Variants in CNGA1 observed in about 807,000 individuals in gnomAD.
CNGA1 encodes cyclic nucleotide-gated channel alpha-1.
A neutral mutation model predicts 69.7 loss-of-function variants in CNGA1; 53 were observed. That is an observed-to-expected ratio of 0.76 (90% CI 0.61 to 0.96). CNGA1 has a LOEUF of 0.96. Ranked by LOEUF, CNGA1 falls within the 40% of genes least tolerant of loss-of-function variation. The probability of loss-of-function intolerance (pLI) is 0.00; values close to 1 mark genes in which losing one functional copy is unlikely to be tolerated. For missense variants in CNGA1, 739 were observed against 811.2 expected (o/e 0.91, Z 1.08); for synonymous variants, 249 against 283.5 (o/e 0.88, Z 1.22).
chr4:48,001,392 C>A (rs1454654776), intron 2 of CNGA1, among the ~76,000 whole-genome samples: 1 of 152,150 alleles, frequency 6.6e-6, no homozygotes, highest in African/African-American at 2.4e-5. Flanking sequence ...TCACTTGAAT[C>A]TGGGAGGTGG....
intron 6 of CNGA1, among the ~76,000 whole-genome samples, chr4:47,949,231 T>G (rs1347935162): frequency 6.6e-6 from 1 of 152,198 alleles, no homozygotes; most frequent in African/African-American, 2.4e-5. Flanking sequence ...GAAACCACCA[T>G]GCTCCATCCA....
chr4:47,995,552 A>G (rs952730075), intron 2 of CNGA1, among the ~76,000 whole-genome samples: 1 of 58,524 alleles, frequency 1.7e-5, no homozygotes, highest in South Asian at 6.5e-4. Flanking sequence ...CACTTCTTGT[A>G]TCATTTTTTT....
intron 10 of CNGA1, among the ~76,000 whole-genome samples, chr4:47,939,099 A>G (rs1021785465): frequency 6.6e-6 from 1 of 152,198 alleles, no homozygotes; most frequent in Non-Finnish European, 1.5e-5. Flanking sequence ...TTTTGGTCTA[A>G]TGAAGCAGCC....
intron 1 of CNGA1, among the ~76,000 whole-genome samples, chr4:48,013,406 A>G (rs1313354537): frequency 5.9e-5 from 9 of 152,246 alleles, no homozygotes; most frequent in Admixed American, 5.9e-4. Flanking sequence ...TGGGTTTTAT[A>G]CATTCTAGGG....
chr4:47,970,654 A>G (rs928000108), intron 3 of CNGA1, among the ~76,000 whole-genome samples: 2 of 150,916 alleles, frequency 1.3e-5, no homozygotes, highest in African/African-American at 4.9e-5. Context: ...CTCCATTAAA[A>G]AAAAAAAAGA....
chr4:47,947,902 T>A (rs530066313), intron 6 of CNGA1, among the ~76,000 whole-genome samples: 17 of 152,276 alleles, frequency 1.1e-4, no homozygotes, highest in African/African-American at 3.6e-4. Context: ...TTTTTGCTCG[T>A]AGTGAACATG....
At chr4:47,974,206 C>CA (rs1272433736) in intron 3 of CNGA1, among the ~76,000 whole-genome samples, 1 of 3,676 alleles carries the variant, frequency 2.7e-4, no homozygotes, top group Non-Finnish European at 3.9e-4. Flanking sequence ...TAGTATCATA[C>CA]ATTTTATTTT....
intron 3 of CNGA1, among the ~76,000 whole-genome samples, chr4:47,955,173 CTTTTTTTTTTTTT>C (rs377338639): frequency 9.2e-5 from 9 of 98,208 alleles, no homozygotes; most frequent in Admixed American, 1.2e-4. Flanking sequence ...TTTTTCTTTT[CTTTTTTTTTTTTT>C]TTTTTTTTTT....
chr4:47,985,736 C>T (rs1034861120), intron 2 of CNGA1, among the ~76,000 whole-genome samples: 2 of 151,740 alleles, frequency 1.3e-5, no homozygotes, highest in African/African-American at 4.8e-5. Context: ...CTAGCTCTCA[C>T]ACTTCCTTCG....
At position 47,937,700 on chromosome 4, in the gene CNGA1, C is replaced by T. The variant is rs781110930; in HGVS notation, c.782G>A (p.Trp261Ter). The change falls in exon 11 of 11, where the codon TGG becomes TAG. Residue 261 changes from tryptophan (W) to a stop codon, truncating the protein, a stop_gained. Transcript: ENST00000514170. LOFTEE classifies it high-confidence loss of function. ...PTDLLYFKLGWNYPEIRLNRL... is the reference protein window; with the variant it reads ...PTDLLYFKLG The stretch of plus-strand genomic sequence containing the variant: ...GTTTAATCTAATTTCTGGATAGTTC[C>T]ACCCTAACTTAAAATACAGCAAATC... The T allele has an allele frequency of 1.9e-6, 3 of 1,614,040 alleles. No homozygotes were observed. Among genetic ancestry groups the T allele is most frequent in the Middle Eastern group, 1.6e-4 (1 of 6,062 alleles).
intron 2 of CNGA1, among the ~76,000 whole-genome samples, chr4:48,009,989 T>A (rs1239614650): frequency 1.3e-5 from 2 of 152,160 alleles, no homozygotes; most frequent in African/African-American, 4.8e-5. Flanking sequence ...TAGAAGTACA[T>A]CTTATAGATT....
At chr4:47,970,511 G>T (rs1486929704) in intron 3 of CNGA1, among the ~76,000 whole-genome samples, 1 of 151,890 alleles carries the variant, frequency 6.6e-6, no homozygotes, top group African/African-American at 2.4e-5. Flanking sequence ...AATTAGTTGG[G>T]CATGGTGGCG....
Position 48,012,558 on chromosome 4 carries a change from CTTTTTTTTT to C in CNGA1, c.-222-1674_-222-1666del, listed in dbSNP as rs528643370. 4.9e-3 allele frequency among the ~76,000 whole-genome samples: 319 copies of C among 65,002 alleles called. 2 individuals are homozygous for C. The East Asian group carries it at 0.06, about 12-fold the overall frequency. The allele number at this position is 65,002 out of a possible 152,430, so 42.6% of individuals were successfully genotyped here. ...GCCATTTTCCTCCCCACCACACCAT[CTTTTTTTTT>C]TTTTTTTTTTTTTTTTTTTTTTTTA... On this transcript the variant is annotated intron_variant, in intron 1 of 10. Coordinates refer to ENST00000514170, the MANE Select transcript of CNGA1 (RefSeq NM_001379270.1).
chr4:48,015,967 C>CT (rs1715358136), intron 1 of CNGA1, among the ~76,000 whole-genome samples: 1 of 152,328 alleles, frequency 6.6e-6, no homozygotes, highest in South Asian at 2.1e-4. Context: ...TAACCTCACT[C>CT]TTTGCCTCTA....
intron 3 of CNGA1, among the ~76,000 whole-genome samples, chr4:47,953,922 C>T (rs1240613669): frequency 7.6e-6 from 1 of 131,588 alleles, no homozygotes; most frequent in Non-Finnish European, 1.6e-5. Flanking sequence ...CTTATGCCCT[C>T]GGACCTAAGT....
intron 9 of CNGA1, among the ~76,000 whole-genome samples, chr4:47,941,655 G>GA (rs1167763170): frequency 1.3e-5 from 2 of 152,076 alleles, no homozygotes; most frequent in African/African-American, 2.4e-5. Context: ...GAGAGAAGCA[G>GA]AAAAAATAAC....
intron 3 of CNGA1, among the ~76,000 whole-genome samples, chr4:47,975,556 A>C (rs560993447): frequency 6.6e-6 from 1 of 152,314 alleles, no homozygotes; most frequent in Admixed American, 6.5e-5. Context: ...TTTTATAAGA[A>C]CACAAAGTGA....
At chr4:48,015,217 CAAA>C (rs1715331296) in intron 1 of CNGA1, among the ~76,000 whole-genome samples, 1 of 152,050 alleles carries the variant, frequency 6.6e-6, no homozygotes, top group Admixed American at 6.6e-5. Flanking sequence ...AACAAGCAAA[CAAA>C]AAGAAGTCTA....
At chr4:47,960,647 T>A (rs7687722) in intron 3 of CNGA1, among the ~76,000 whole-genome samples, 79,972 of 151,896 alleles carry the variant, frequency 0.53, 22,558 homozygotes, top group Non-Finnish European at 0.63. Flanking sequence ...TTAGCTATAT[T>A]TATAGAAGTC....
Sources: allele counts gnomAD v4.1 joint callset (sites outside exome capture counted in the v4.1 genomes callset), GRCh38; gene constraint gnomAD v4.1.1; transcripts MANE v1.5; gene names NCBI Gene and HGNC (gene_info 2026-07-23, HGNC 2026-07-21).